The following RAB6A variants were observed in gnomAD, a reference collection of about 807,000 sequenced individuals.
RAB6A encodes RAB6A, member RAS oncogene family.
RAB6A carries 8 observed loss-of-function variants against 32.3 expected under a neutral mutation model. The observed-to-expected ratio is 0.25, with a 90% CI of 0.15 to 0.45. RAB6A has a LOEUF of 0.45. Ranked by LOEUF, RAB6A falls within the 20% of genes least tolerant of loss-of-function variation. RAB6A has a pLI of 1.00. For synonymous variants in RAB6A, 73 were observed against 82.1 expected (o/e 0.89, Z 0.60); for missense variants, 104 against 249.4 (o/e 0.42, Z 3.93).
intron 6 of RAB6A, among the ~76,000 whole-genome samples, chr11:73,698,396 A>AAACT (rs1198764308): frequency 6.6e-6 from 1 of 152,198 alleles, no homozygotes; most frequent in African/African-American, 2.4e-5. Flanking sequence ...AATCTTAAGC[A>AAACT]AGTTACTTGG....
At chr11:73,684,138 G>A (rs1486410472) in intron 6 of RAB6A, among the ~76,000 whole-genome samples, 1 of 150,010 alleles carries the variant, frequency 6.7e-6, no homozygotes, top group Non-Finnish European at 1.5e-5. Context: ...TAGTAATAAA[G>A]TATTTTTTAA....
At chr11:73,720,084 C>T (rs1299882699) in intron 3 of RAB6A, among the ~76,000 whole-genome samples, 1 of 151,398 alleles carries the variant, frequency 6.6e-6, no homozygotes, top group African/African-American at 2.4e-5. Flanking sequence ...AGTATCTCTT[C>T]AAGGGGTAGT....
intron 2 of RAB6A, among the ~76,000 whole-genome samples, chr11:73,724,489 T>G (rs1022875587): frequency 2.7e-5 from 4 of 149,322 alleles, no homozygotes; most frequent in Admixed American, 1.3e-4. Context: ...ATTTCGTTTT[T>G]TTTTTTTTTT....
chr11:73,718,956 CAA>C, intron 3 of RAB6A: 1 of 1,410,706 alleles, frequency 7.1e-7, no homozygotes, highest in South Asian at 1.3e-5. Flanking sequence ...AAAAAAGAAA[CAA>C]TGTTTTTTGT....
At chr11:73,725,970 T>C (rs939984196) in intron 2 of RAB6A, among the ~76,000 whole-genome samples, 2 of 151,712 alleles carry the variant, frequency 1.3e-5, no homozygotes, top group Non-Finnish European at 2.9e-5. Context: ...CTGGGCAACA[T>C]GGCAAGAACC....
chr11:73,760,151 G>C, intron 1 of RAB6A: 1 of 1,272,074 alleles, frequency 7.9e-7, no homozygotes, highest in Non-Finnish European at 1.0e-6. Context: ...CTCGGGAGTG[G>C]GGCTTCCCTG....
intron 5 of RAB6A, among the ~76,000 whole-genome samples, chr11:73,711,645 T>C (rs1945959399): frequency 6.6e-6 from 1 of 152,196 alleles, no homozygotes; most frequent in African/African-American, 2.4e-5. Context: ...TTCCTAGAAG[T>C]GGGATTTCCA....
In RAB6A at chr11:73,760,757, G is replaced by A; in HGVS notation, c.-122C>T. Reference sequence around the variant, plus strand: ...CACCGAGCTCTCTCGGCCCCTGCAAGGCCCGGTGGAGGAGCCCGGCTGGAG... The same window carrying A: ...CACCGAGCTCTCTCGGCCCCTGCAAAGCCCGGTGGAGGAGCCCGGCTGGAG... On this transcript the variant is annotated 5_prime_UTR_variant, in exon 1 of 8. Transcript: ENST00000336083. 7.1e-7 allele frequency: 1 copy of A among 1,406,174 alleles called. No homozygotes were observed. Among genetic ancestry groups the A allele is most frequent in the Non-Finnish European group, 9.7e-7 (1 of 1,035,332 alleles). 87.1% of individuals were successfully genotyped at this position (1,406,174 alleles called of 1,614,324 possible).
chr11:73,720,271 C>A (rs892067284), intron 3 of RAB6A, among the ~76,000 whole-genome samples: 1 of 150,200 alleles, frequency 6.7e-6, no homozygotes, highest in East Asian at 2.0e-4. Context: ...ACCTCTGCAT[C>A]CTGGATTCAA....
chr11:73,726,673 T>TG (rs1191514908), intron 2 of RAB6A, among the ~76,000 whole-genome samples: 1 of 138,486 alleles, frequency 7.2e-6, no homozygotes, highest in African/African-American at 2.7e-5. Context: ...CGCTTGAGCC[T>TG]GGGGGGATGG....
chr11:73,721,717 T>G (rs1946135058), intron 2 of RAB6A, among the ~76,000 whole-genome samples: 1 of 152,228 alleles, frequency 6.6e-6, no homozygotes, highest in Non-Finnish European at 1.5e-5. Flanking sequence ...AATGTTTGTG[T>G]GCACATATAC....
intron 3 of RAB6A, chr11:73,718,931 ACT>A: frequency 6.7e-7 from 1 of 1,493,836 alleles, no homozygotes; most frequent in Non-Finnish European, 9.1e-7. Flanking sequence ...AAAAAACCAA[ACT>A]AATACTAAAA....
chr11:73,691,095 G>C (rs1180526794), intron 6 of RAB6A, among the ~76,000 whole-genome samples: 1 of 152,140 alleles, frequency 6.6e-6, no homozygotes, highest in South Asian at 2.1e-4. Context: ...CACACAGAAA[G>C]GGGATGGCAG....
At chr11:73,735,951 CAGAG>C (rs1478137441) in intron 1 of RAB6A, among the ~76,000 whole-genome samples, 1 of 135,416 alleles carries the variant, frequency 7.4e-6, no homozygotes, top group Non-Finnish European at 1.6e-5. Context: ...GAGAGAGAGA[CAGAG>C]AGAGATAAAT....
At chr11:73,735,937 A>G (rs77990174) in intron 1 of RAB6A, among the ~76,000 whole-genome samples, 17 of 123,584 alleles carry the variant, frequency 1.4e-4, no homozygotes, top group Admixed American at 1.9e-4. Context: ...AAAAAAAAAA[A>G]AGAGAGAGAG....
chr11:73,678,941 G>T (rs979453137), intron 7 of RAB6A, among the ~76,000 whole-genome samples: 5 of 151,894 alleles, frequency 3.3e-5, no homozygotes, highest in African/African-American at 1.2e-4. Flanking sequence ...GGTCAGGCTG[G>T]TCTTGAACTC....
At chr11:73,753,410 T>C (rs1946697887) in intron 1 of RAB6A, among the ~76,000 whole-genome samples, 1 of 151,824 alleles carries the variant, frequency 6.6e-6, no homozygotes, top group Non-Finnish European at 1.5e-5. Context: ...TTGGCCAGGC[T>C]AGTCTCCAAC....
chr11:73,749,494 C>G (rs1378468048), intron 1 of RAB6A, among the ~76,000 whole-genome samples: 1 of 152,050 alleles, frequency 6.6e-6, no homozygotes, highest in Non-Finnish European at 1.5e-5. Context: ...CCACCTGTTC[C>G]CCGAAAACTA....
chr11:73,711,023 A>C (rs925540401), intron 5 of RAB6A, among the ~76,000 whole-genome samples: 1 of 152,188 alleles, frequency 6.6e-6, no homozygotes, highest in African/African-American at 2.4e-5. Flanking sequence ...ATTGGGACTC[A>C]AAGGCTTTCT....
Sources: gnomAD v4.1 joint callset for allele counts (sites outside exome capture counted in the v4.1 genomes callset) on GRCh38, gnomAD v4.1.1 for gene constraint, MANE v1.5 for transcripts, NCBI Gene and HGNC (gene_info 2026-07-23, HGNC 2026-07-21) for gene names.